TIAM2: variants seen among roughly 807,000 people sequenced by gnomAD.
The protein encoded by TIAM2 is TIAM Rac1 associated GEF 2.
Under a neutral mutation model 152.9 loss-of-function variants are expected in TIAM2, and 80 were observed. The ratio of observed to expected loss-of-function variants is 0.52; its 90% CI spans 0.44 to 0.63. The LOEUF (loss-of-function observed/expected upper bound fraction) is 0.63, where lower values mean the gene tolerates loss of function less well. Ranked by LOEUF, TIAM2 falls within the 30% of genes least tolerant of loss-of-function variation. The pLI is 0.00. For missense variants in TIAM2, 1,965 were observed against 2,120.1 expected (o/e 0.93, Z 1.44); for synonymous variants, 804 against 838.0 (o/e 0.96, Z 0.70).
chr6:155,124,893 G>A (rs1350688257), intron 2 of TIAM2, among the ~76,000 whole-genome samples: 1 of 149,854 alleles, frequency 6.7e-6, no homozygotes, highest in African/African-American at 2.5e-5. Context: ...AAATGTATCT[G>A]CGTGGATAGA....
At chr6:155,219,387 G>A (rs905732957) in intron 15 of TIAM2, among the ~76,000 whole-genome samples, 1 of 152,054 alleles carries the variant, frequency 6.6e-6, no homozygotes, top group Non-Finnish European at 1.5e-5. Context: ...TCTGCCAGCC[G>A]AGGAGGGCTT....
At chr6:155,028,633 TG>T in intron 1 of TIAM2, among the ~76,000 whole-genome samples, 1 of 30,716 alleles carries the variant, frequency 3.3e-5, no homozygotes, top group Non-Finnish European at 1.2e-4. Context: ...ATATATATAC[TG>T]TGTTATATAT....
chr6:155,139,345 A>G (rs1266988955), intron 5 of TIAM2, among the ~76,000 whole-genome samples: 1 of 152,184 alleles, frequency 6.6e-6, no homozygotes, highest in East Asian at 1.9e-4. Context: ...TTTTCCTAGC[A>G]GGCCGGCGGG....
intron 2 of TIAM2, among the ~76,000 whole-genome samples, chr6:155,105,746 C>G (rs567564350): frequency 6.6e-6 from 1 of 152,202 alleles, no homozygotes; most frequent in South Asian, 2.1e-4. Context: ...CCACCGTGCC[C>G]AGCCTTTGTT....
intron 1 of TIAM2, among the ~76,000 whole-genome samples, chr6:155,083,348 C>CAA (rs574203207): frequency 1.0e-3 from 91 of 89,786 alleles, no homozygotes; most frequent in African/African-American, 3.3e-3. Flanking sequence ...GACTTTATCT[C>CAA]AAAAAAAAAA....
At chr6:155,211,058 T>C in intron 14 of TIAM2, 146 bp from the exon 15 acceptor site, 1 of 545,716 alleles carries the variant, frequency 1.8e-6, no homozygotes. Context: ...TATGCGTAAT[T>C]GTAACCTCAG....
Position 155,129,900 on chromosome 6 carries a change from A to T in TIAM2, c.677A>T (p.His226Leu). The T allele has an allele frequency of 6.2e-7, 1 of 1,613,798 alleles. No homozygotes were observed. The highest frequency in any genetic ancestry group is 8.5e-7 in the Non-Finnish European group (1 of 1,180,010). The change falls in exon 4 of 27, where the codon CAT (histidine) becomes CTT (leucine). Residue 226 changes from histidine to leucine, a missense_variant. Physicochemically the swap from His to Leu is moderately conservative, Grantham distance 99. Around this residue, in one of 3 missense-constraint regions of TIAM2, gnomAD observed 1,025 missense variants for 1,119.4 expected, o/e 0.92. Transcript: ENST00000682666. The surrounding 1 kb of genome is among the most constrained non-coding windows in gnomAD (Gnocchi z 4.8). ...TCCAGCGCCGATTCCCTGCCCAGCC[A>T]TCGCCCCTCTCCCACGGACTCTCGC... ...RGSSADSLPSHRPSPTDSRLR... is the reference protein window; with the variant it reads ...RGSSADSLPSLRPSPTDSRLR...
At chr6:155,226,620 G>A (rs370838046) in intron 15 of TIAM2, among the ~76,000 whole-genome samples, 3 of 149,840 alleles carry the variant, frequency 2.0e-5, no homozygotes, top group Non-Finnish European at 4.4e-5. Context: ...AGCAGAGATC[G>A]TGCCACTGCA....
intron 15 of TIAM2, among the ~76,000 whole-genome samples, chr6:155,226,844 G>C (rs1782265833): frequency 6.6e-6 from 1 of 151,420 alleles, no homozygotes; most frequent in Non-Finnish European, 1.5e-5. Flanking sequence ...AGTGAAACTG[G>C]GGCTTGGTTT....
intron 1 of TIAM2, among the ~76,000 whole-genome samples, chr6:155,078,307 A>C (rs1231246575): frequency 6.6e-6 from 1 of 152,058 alleles, no homozygotes; most frequent in African/African-American, 2.4e-5. Flanking sequence ...AGGCCTCCGA[A>C]AGTGCTGGGA....
intron 9 of TIAM2, among the ~76,000 whole-genome samples, chr6:155,169,866 T>C (rs1186477316): frequency 4.6e-5 from 7 of 152,130 alleles, no homozygotes; most frequent in Admixed American, 4.6e-4. Flanking sequence ...TTGCCCAGGC[T>C]GGAGTGCAGT....
chr6:155,172,678 A>T lies in TIAM2; in HGVS notation c.2362-4138A>T, dbSNP rs1275659801. On this transcript the variant is annotated intron_variant, in intron 9 of 26. Transcript: ENST00000682666. Reference sequence around the variant, plus strand: ...TATATATATATATATATATATATATATATATATATTTTTTTTTTTTTTTTT... The same window carrying T: ...TATATATATATATATATATATATATTTATATATATTTTTTTTTTTTTTTTT... 2.8e-3 allele frequency among the ~76,000 whole-genome samples: 39 copies of T among 13,936 alleles called. 2 individuals are homozygous for T. The highest frequency in any genetic ancestry group is 3.6e-3 in the Non-Finnish European group (31 of 8,532). 9.1% of individuals were successfully genotyped at this position (13,936 alleles called of 152,430 possible). A position where few individuals can be genotyped will look rare whatever the true frequency, so the allele number is the denominator to read the frequency against.
chr6:155,028,373 A>G lies in TIAM2; in HGVS notation c.-209+32881A>G, dbSNP rs1404684780. On this transcript the variant is annotated intron_variant, in intron 1 of 26. Coordinates refer to ENST00000682666, the MANE Select transcript of TIAM2 (RefSeq NM_012454.4). Reference sequence around the variant, plus strand: ...TACATATATACTACATATAATATATATACTGTGTTACATATATACTACATA... The same window carrying G: ...TACATATATACTACATATAATATATGTACTGTGTTACATATATACTACATA... Among the ~76,000 whole-genome samples the G allele has an allele frequency of 6.4e-5, 8 of 124,642 alleles. 1 individual carries two copies. The highest frequency in any genetic ancestry group is 4.3e-4 in the East Asian group (2 of 4,658). 81.8% of individuals were successfully genotyped at this position (124,642 alleles called of 152,430 possible).
intron 2 of TIAM2, among the ~76,000 whole-genome samples, chr6:155,109,137 C>T (rs1372135248): frequency 1.3e-5 from 2 of 152,120 alleles, no homozygotes; most frequent in Admixed American, 6.5e-5. Flanking sequence ...GCGCCCACCA[C>T]CACACCCGGC....
intron 8 of TIAM2, among the ~76,000 whole-genome samples, chr6:155,164,964 C>A (rs899450330): frequency 2.6e-5 from 4 of 152,124 alleles, no homozygotes; most frequent in African/African-American, 9.7e-5. Flanking sequence ...AGCGCCCCAT[C>A]AGGTTTTTTG....
At chr6:155,028,241 T>C (rs1017379598) in intron 1 of TIAM2, among the ~76,000 whole-genome samples, 2 of 131,270 alleles carry the variant, frequency 1.5e-5, no homozygotes, top group African/African-American at 2.8e-5. Flanking sequence ...ACATATAATA[T>C]ATGTACTGTG....
At chr6:155,066,421 G>C (rs1218476797) in intron 1 of TIAM2, among the ~76,000 whole-genome samples, 1 of 152,228 alleles carries the variant, frequency 6.6e-6, no homozygotes, top group African/African-American at 2.4e-5. Context: ...CATCTGTGTG[G>C]TTCTGCCTGT....
chr6:155,067,294 C>A (rs537529920), intron 1 of TIAM2, among the ~76,000 whole-genome samples: 48 of 152,202 alleles, frequency 3.2e-4, no homozygotes, highest in Admixed American at 1.9e-3. Context: ...CCTTTCTCAC[C>A]CCAAGCGTCC....
At chr6:155,241,396 G>A (rs1041459807) in intron 16 of TIAM2, among the ~76,000 whole-genome samples, 3 of 152,270 alleles carry the variant, frequency 2.0e-5, no homozygotes, top group Admixed American at 1.3e-4. Context: ...GAAGCAGCGC[G>A]GCACGGTGCG....
Sources: gnomAD v4.1 joint callset for allele counts (sites outside exome capture counted in the v4.1 genomes callset) on GRCh38, gnomAD v4.1.1 for gene constraint, gnomAD v4.1.1 regional missense constraint, Gnocchi (gnomAD v3.1) non-coding constraint, MANE v1.5 for transcripts, NCBI Gene and HGNC (gene_info 2026-07-23, HGNC 2026-07-21) for gene names.